The following PCSK5 variants were observed in gnomAD, a reference collection of about 807,000 sequenced individuals.
PCSK5 encodes the protein proprotein convertase subtilisin/kexin type 5.
In PCSK5, 129 loss-of-function variants were observed where a neutral mutation model predicts 233.2. The ratio of observed to expected loss-of-function variants is 0.55; its 90% CI spans 0.48 to 0.64. PCSK5 has a LOEUF of 0.64. Among genes scored for constraint, PCSK5 ranks in the 30% least tolerant of loss-of-function variants. The pLI is 0.00. For missense variants in PCSK5, 2,076 were observed against 2,430.1 expected (o/e 0.85, Z 3.06); for synonymous variants, 825 against 879.2 (o/e 0.94, Z 1.09).
intron 5 of PCSK5, among the ~76,000 whole-genome samples, chr9:76,043,880 A>G (rs543396643): frequency 6.7e-6 from 1 of 149,938 alleles, no homozygotes; most frequent in South Asian, 2.1e-4. Flanking sequence ...CCTGATTAAT[A>G]AAACTTGTGA....
At chr9:76,062,872 A>G (rs1250494040) in intron 5 of PCSK5, among the ~76,000 whole-genome samples, 1 of 152,100 alleles carries the variant, frequency 6.6e-6, no homozygotes, top group African/African-American at 2.4e-5. Context: ...TCATTCTATT[A>G]TACTATTGAA....
intron 5 of PCSK5, among the ~76,000 whole-genome samples, chr9:76,055,639 G>C (rs1829794103): frequency 6.6e-6 from 1 of 152,140 alleles, no homozygotes; most frequent in African/African-American, 2.4e-5. Flanking sequence ...CTCCTCCACA[G>C]AGCATTGATA....
intron 2 of PCSK5, among the ~76,000 whole-genome samples, chr9:75,934,615 CTT>C (rs1823967450): frequency 6.6e-6 from 1 of 151,322 alleles, no homozygotes; most frequent in Non-Finnish European, 1.5e-5. Context: ...GAGTCTCACT[CTT>C]ATTGCCCAGG....
intron 3 of PCSK5, among the ~76,000 whole-genome samples, chr9:76,002,150 G>A (rs1044674551): frequency 6.6e-6 from 1 of 152,132 alleles, no homozygotes; most frequent in Admixed American, 6.5e-5. Flanking sequence ...GAGATAACAA[G>A]TATGAAAAGG....
intron 4 of PCSK5, among the ~76,000 whole-genome samples, chr9:76,024,719 A>T (rs920435266): frequency 6.6e-6 from 1 of 152,168 alleles, no homozygotes; most frequent in African/African-American, 2.4e-5. Flanking sequence ...TTGAGAAAAA[A>T]ATTCTCCAGA....
rs138933509 is a variant in PCSK5, at chr9:76,145,478, C to T, written c.1312+11266C>T. 5.3e-5 allele frequency among the ~76,000 whole-genome samples: 8 copies of T among 152,260 alleles called. No homozygotes were observed. In the East Asian group the frequency reaches 1.2e-3, roughly 22 times the overall value. ...TGTCTTGTGAAAATACCACCTCCCC[C>T]CCAGCTCATTTTTTCTACCAAGGCA... On this transcript the variant is annotated intron_variant, in intron 10 of 37. Transcript: ENST00000674117.
chr9:76,265,385 G>A (rs1195257361), intron 24 of PCSK5, among the ~76,000 whole-genome samples: 1 of 151,366 alleles, frequency 6.6e-6, no homozygotes, highest in South Asian at 2.1e-4. Context: ...TATACCACCT[G>A]AATTGAAAAT....
At chr9:76,145,757 G>A (rs1823419155) in intron 10 of PCSK5, among the ~76,000 whole-genome samples, 3 of 152,150 alleles carry the variant, frequency 2.0e-5, no homozygotes, top group African/African-American at 7.2e-5. Flanking sequence ...CAAGATGAAA[G>A]GGGGCTTATG....
At chr9:76,086,635 C>T (rs1228153150) in intron 7 of PCSK5, among the ~76,000 whole-genome samples, 1 of 152,076 alleles carries the variant, frequency 6.6e-6, no homozygotes, top group Non-Finnish European at 1.5e-5. Flanking sequence ...TTAATTTTCT[C>T]GAATCCACTA....
chr9:76,189,271 T>A (rs781092911), intron 19 of PCSK5, 48 bp downstream of exon 19: 3 of 1,537,072 alleles, frequency 2.0e-6, no homozygotes, highest in Non-Finnish European at 2.7e-6. Flanking sequence ...CTAAGTTCTT[T>A]TGATGACTAT....
intron 20 of PCSK5, among the ~76,000 whole-genome samples, chr9:76,197,010 G>C (rs1236896110): frequency 6.6e-6 from 1 of 152,202 alleles, no homozygotes; most frequent in Non-Finnish European, 1.5e-5. Context: ...AAAGCAGGTA[G>C]AGCTAGAATT....
intron 2 of PCSK5, among the ~76,000 whole-genome samples, chr9:75,980,418 A>C (rs2131381160): frequency 6.6e-6 from 1 of 152,318 alleles, no homozygotes; most frequent in South Asian, 2.1e-4. Context: ...ACCTTTCAAA[A>C]ATTAATGATT....
Position 76,296,808 on chromosome 9 carries a change from C to CT in PCSK5, c.3467dup (p.Arg1157AlafsTer19). On this transcript the variant is annotated frameshift_variant, in exon 27 of 38. Coordinates refer to ENST00000674117, the MANE Select transcript of PCSK5 (RefSeq NM_001372043.1). LOFTEE classifies it high-confidence loss of function. ...CAGCTGCCAGGAAGGACTGCAGCTG[C>CT]TGCGTGGGATGTGCGTGCATGCCAC... is the stretch of plus-strand genomic sequence containing the variant. 1 of 1,612,456 alleles carries CT rather than the reference C, an allele frequency of 6.2e-7. No individual in the cohort carries two copies. Among genetic ancestry groups the CT allele is most frequent in the South Asian group, 1.1e-5 (1 of 91,070 alleles).
intron 2 of PCSK5, among the ~76,000 whole-genome samples, chr9:75,952,574 C>G (rs1174713127): frequency 2.0e-5 from 3 of 152,154 alleles, no homozygotes; most frequent in Non-Finnish European, 2.9e-5. Flanking sequence ...AGAACAGTCC[C>G]TGCTACCTCC....
At chr9:76,049,106 AAAAAT>A (rs1829530559) in intron 5 of PCSK5, among the ~76,000 whole-genome samples, 2 of 152,110 alleles carry the variant, frequency 1.3e-5, no homozygotes, top group African/African-American at 4.8e-5. Flanking sequence ...GGTTAAAAAA[AAAAAT>A]AAAGAAGAAA....
chr9:76,295,498 G>T (rs1828411899), intron 26 of PCSK5, 87 bp downstream of exon 26: 4 of 1,252,246 alleles, frequency 3.2e-6, no homozygotes, highest in Non-Finnish European at 4.5e-6. Context: ...CATGTGATTG[G>T]TTTCAGAGTC....
intron 24 of PCSK5, among the ~76,000 whole-genome samples, chr9:76,289,004 C>A (rs993649738): frequency 2.6e-5 from 4 of 152,100 alleles, no homozygotes; most frequent in Non-Finnish European, 5.9e-5. Flanking sequence ...AAGCAGGAGG[C>A]AATGTCTCCA....
intron 20 of PCSK5, among the ~76,000 whole-genome samples, chr9:76,214,051 C>G (rs191218922): frequency 9.4e-4 from 143 of 152,256 alleles, no homozygotes; most frequent in African/African-American, 3.3e-3. Flanking sequence ...TGGCCCTGTC[C>G]TCGGGGAAGA....
chr9:76,029,176 G>A (rs1393270881), intron 5 of PCSK5, among the ~76,000 whole-genome samples: 1 of 152,068 alleles, frequency 6.6e-6, no homozygotes, highest in African/African-American at 2.4e-5. Context: ...CTGGGGTTCC[G>A]AGGCTTTCAT....
Sources: gnomAD v4.1 joint callset for allele counts (sites outside exome capture counted in the v4.1 genomes callset) on GRCh38, gnomAD v4.1.1 for gene constraint, MANE v1.5 for transcripts, NCBI Gene and HGNC (gene_info 2026-07-23, HGNC 2026-07-21) for gene names.